AQP11: variants seen among roughly 807,000 people sequenced by gnomAD.
AQP11 encodes the protein aquaporin 11.
A neutral mutation model predicts 21.1 loss-of-function variants in AQP11; 20 were observed. That is an observed-to-expected ratio of 0.95 (90% CI 0.67 to 1.38). AQP11 has a LOEUF of 1.38. Ranked by LOEUF, AQP11 falls within the 40% of genes most tolerant of loss-of-function variation. The probability of loss-of-function intolerance (pLI) is 0.00; values close to 1 mark genes in which losing one functional copy is unlikely to be tolerated. For synonymous variants in AQP11, 167 were observed against 150.1 expected (o/e 1.11, Z -0.82); for missense variants, 339 against 340.4 (o/e 1.00, Z 0.03).
intron 2 of AQP11, among the ~76,000 whole-genome samples, chr11:77,607,413 GGAGT>G (rs1590787706): frequency 6.6e-6 from 1 of 152,210 alleles, no homozygotes; most frequent in East Asian, 1.9e-4. Flanking sequence ...GGGTGCCAGG[GGAGT>G]GAGACAGAGG....
At chr11:77,603,728 ATGTG>A in intron 2 of AQP11, 56 bp downstream of exon 2, 7 of 1,305,876 alleles carry the variant, frequency 5.4e-6, no homozygotes, top group Non-Finnish European at 7.5e-6. Context: ...AAAATATGAT[ATGTG>A]TATATCATTG....
chr11:77,590,220 C>T lies in AQP11; in HGVS notation c.228C>T (p.Thr76=). 4 of 1,594,036 alleles carry T rather than the reference C, an allele frequency of 2.5e-6. No individual in the cohort carries two copies. Among genetic ancestry groups the T allele is most frequent in the Non-Finnish European group, 3.4e-6 (4 of 1,170,038 alleles). ...LLSEQHPAHP[T]WTLTLVYFFS... is the part of the protein sequence containing the mutation. ...GCGAACAGCACCCCGCGCACCCCAC[C>T]TGGACGCTGACGCTCGTCTACTTCT... Residue 76 remains threonine, a synonymous_variant, in exon 1 of 3, where the codon ACC becomes ACT. Coordinates refer to ENST00000313578, the MANE Select transcript of AQP11 (RefSeq NM_173039.3).
In AQP11 at chr11:77,593,407, G is replaced by A. The variant is rs959184298; in HGVS notation, c.619+2796G>A. 5.9e-5 allele frequency among the ~76,000 whole-genome samples: 9 copies of A among 152,236 alleles called. No homozygotes were observed. In the South Asian group the frequency reaches 1.0e-3, roughly 18 times the overall value. ...TCCCAGCACTTTGGGAGGCCGAGGC[G>A]GGCAGATCACGAGGTCAGGTGATCG... On this transcript the variant is annotated intron_variant, in intron 1 of 2. Coordinates refer to ENST00000313578, the MANE Select transcript of AQP11 (RefSeq NM_173039.3).
intron 1 of AQP11, among the ~76,000 whole-genome samples, chr11:77,591,865 ACT>A (rs1958750209): frequency 2.0e-5 from 3 of 147,046 alleles, no homozygotes; most frequent in African/African-American, 5.2e-5. Flanking sequence ...CAACAGTGAG[ACT>A]CTGTCTCAAA....
At chr11:77,607,327 CAAAATA>C (rs1183182363) in intron 2 of AQP11, among the ~76,000 whole-genome samples, 14 of 151,832 alleles carry the variant, frequency 9.2e-5, no homozygotes, top group Middle Eastern at 3.4e-3. Flanking sequence ...ATGAGGAGTC[CAAAATA>C]AAAATAAAAA....
chr11:77,599,207 T>C (rs1958800812), intron 1 of AQP11, among the ~76,000 whole-genome samples: 1 of 150,944 alleles, frequency 6.6e-6, no homozygotes, highest in African/African-American at 2.4e-5. Flanking sequence ...TTTTTTCTTT[T>C]TGCCCCCGGA....
At chr11:77,593,266 G>T (rs776111771) in intron 1 of AQP11, among the ~76,000 whole-genome samples, 1 of 152,210 alleles carries the variant, frequency 6.6e-6, no homozygotes, top group African/African-American at 2.4e-5. Flanking sequence ...AGGGAGATAA[G>T]AATATTCAGT....
At chr11:77,592,149 C>A (rs1479595090) in intron 1 of AQP11, among the ~76,000 whole-genome samples, 1 of 152,050 alleles carries the variant, frequency 6.6e-6, no homozygotes, top group African/African-American at 2.4e-5. Context: ...CACTTGTAGT[C>A]CCAACTACTT....
chr11:77,605,042 A>C (rs1447260261), intron 2 of AQP11, among the ~76,000 whole-genome samples: 2 of 151,982 alleles, frequency 1.3e-5, no homozygotes, highest in African/African-American at 4.8e-5. Flanking sequence ...AAATACAAAA[A>C]ATTAGCTGGT....
chr11:77,600,844 C>T (rs1334291877), intron 1 of AQP11, among the ~76,000 whole-genome samples: 2 of 152,038 alleles, frequency 1.3e-5, no homozygotes, highest in African/African-American at 2.4e-5. Context: ...AACCCCGTCT[C>T]TACTAAAAAT....
chr11:77,605,062 G>A (rs1350703988), intron 2 of AQP11, among the ~76,000 whole-genome samples: 2 of 152,020 alleles, frequency 1.3e-5, no homozygotes, highest in African/African-American at 2.4e-5. Context: ...TCGTGGTGGC[G>A]GGCACCTGTA....
chr11:77,602,183 G>C (rs1272733926), intron 1 of AQP11, among the ~76,000 whole-genome samples: 1 of 152,154 alleles, frequency 6.6e-6, no homozygotes, highest in East Asian at 1.9e-4. Context: ...GTTCATCTTA[G>C]ATCTAGTGGA....
intron 1 of AQP11, chr11:77,590,946 C>G: frequency 1.0e-6 from 1 of 985,394 alleles, no homozygotes; most frequent in Non-Finnish European, 1.2e-6. Flanking sequence ...TTCTTCATGC[C>G]AAGGTGGTAT....
intron 1 of AQP11, among the ~76,000 whole-genome samples, chr11:77,595,868 C>T (rs563071361): frequency 6.6e-6 from 1 of 151,878 alleles, no homozygotes; most frequent in Admixed American, 6.6e-5. Context: ...TGGGAGGATC[C>T]CCTGAGCCCT....
chr11:77,593,232 CTTTG>C (rs150068748), intron 1 of AQP11, among the ~76,000 whole-genome samples: 2,287 of 152,250 alleles, frequency 0.015, 54 homozygotes, highest in African/African-American at 0.051. Context: ...ATGATCTTCC[CTTTG>C]TTTGTTTTCT....
chr11:77,601,167 G>A (rs1347606445), intron 1 of AQP11, among the ~76,000 whole-genome samples: 2 of 152,148 alleles, frequency 1.3e-5, no homozygotes, highest in African/African-American at 4.8e-5. Context: ...TGCCATCTGA[G>A]TAGAGGCCAG....
At chr11:77,604,276 C>T (rs1001177652) in intron 2 of AQP11, among the ~76,000 whole-genome samples, 3 of 152,138 alleles carry the variant, frequency 2.0e-5, no homozygotes, top group Non-Finnish European at 4.4e-5. Flanking sequence ...CCACCACACC[C>T]GGCTAATTTT....
Position 77,590,154 on chromosome 11 carries a change from CT to C in AQP11, c.164del (p.Phe55SerfsTer13). On this transcript the variant is annotated frameshift_variant, in exon 1 of 3. Transcript: ENST00000313578. LOFTEE classifies it high-confidence loss of function. ...CCTTCGTCCTGGAGTTTCTAGCCAC[CT>C]TCCAGCTCTGCTGCTGCACCCACGA... Reference protein sequence around the residue: ...HAFVLEFLATFQLCCCTHELQ... With the variant: ...HAFVLEFLATXQLCCCTHELQ... The C allele has an allele frequency of 6.2e-7, 1 of 1,607,990 alleles. No homozygotes were observed.
At chr11:77,593,100 A>C (rs1255216038) in intron 1 of AQP11, among the ~76,000 whole-genome samples, 1 of 152,246 alleles carries the variant, frequency 6.6e-6, no homozygotes, top group Non-Finnish European at 1.5e-5. Context: ...TCAAGTGGTC[A>C]GTTGTCAAAT....
Sources: allele counts gnomAD v4.1 joint callset (sites outside exome capture counted in the v4.1 genomes callset), GRCh38; gene constraint gnomAD v4.1.1; transcripts MANE v1.5; gene names NCBI Gene and HGNC (gene_info 2026-07-23, HGNC 2026-07-21).